C17orf114: variants seen among roughly 807,000 people sequenced by gnomAD.
The protein encoded by C17orf114 is uncharacterized protein C17orf114.
upstream of C17orf114, among the ~76,000 whole-genome samples, chr17:4,805,396 T>C (rs1905660071): frequency 6.7e-6 from 1 of 149,108 alleles, no homozygotes; most frequent in Admixed American, 6.8e-5. Flanking sequence ...CACTCCAGCC[T>C]GGGCAATAAC....
chr17:4,805,814 G>A (rs190925478), upstream of C17orf114, among the ~76,000 whole-genome samples: 9 of 151,990 alleles, frequency 5.9e-5, no homozygotes, highest in Admixed American at 4.6e-4. Context: ...TTAGCTGGGC[G>A]TGGTGGCGGA....
chr17:4,801,833 T>A (rs947107150), intron 1 of C17orf114, among the ~76,000 whole-genome samples: 18 of 151,600 alleles, frequency 1.2e-4, no homozygotes, highest in Non-Finnish European at 2.5e-4. Context: ...CGGGTTCAAG[T>A]GATTCTCCTG....
chr17:4,804,360 A>C (rs910093649), upstream of C17orf114, among the ~76,000 whole-genome samples: 1 of 151,778 alleles, frequency 6.6e-6, no homozygotes, highest in Non-Finnish European at 1.5e-5. Context: ...GCCCGCCACC[A>C]CGCCTGGCTA....
upstream of C17orf114, among the ~76,000 whole-genome samples, chr17:4,805,214 G>A (rs972516061): frequency 1.3e-5 from 2 of 150,878 alleles, no homozygotes; most frequent in Admixed American, 1.3e-4. Context: ...GATCATTTGA[G>A]GTCAGGAGTT....
upstream of C17orf114, among the ~76,000 whole-genome samples, chr17:4,805,881 A>G (rs907101643): frequency 1.3e-5 from 2 of 152,078 alleles, no homozygotes; most frequent in Admixed American, 6.6e-5. Flanking sequence ...TGAACCTGGG[A>G]GGCGGAGCTT....
chr17:4,806,429 AAAAT>A (rs1313821603), upstream of C17orf114, among the ~76,000 whole-genome samples: 3 of 152,224 alleles, frequency 2.0e-5, no homozygotes, highest in Non-Finnish European at 2.9e-5. Flanking sequence ...TCAAAAGAGA[AAAAT>A]AAATCTGCTT....
chr17:4,806,532 T>C (rs1008699922), upstream of C17orf114, among the ~76,000 whole-genome samples: 1 of 152,246 alleles, frequency 6.6e-6, no homozygotes, highest in Non-Finnish European at 1.5e-5. Context: ...GCAGGCTCTC[T>C]AACCATCTTA....
chr17:4,805,114 A>G (rs1905612916), upstream of C17orf114, among the ~76,000 whole-genome samples: 1 of 152,020 alleles, frequency 6.6e-6, no homozygotes, highest in Non-Finnish European at 1.5e-5. Context: ...GATTTCCATC[A>G]CTATAGGTTG....
At chr17:4,802,197 GTCTC>G (rs956328344) in intron 1 of C17orf114, 46 bp downstream of exon 1, 3 of 399,130 alleles carry the variant, frequency 7.5e-6, no homozygotes, top group East Asian at 3.6e-5. Flanking sequence ...CCATGCAGTT[GTCTC>G]TCTGTCTGCC....
upstream of C17orf114, among the ~76,000 whole-genome samples, chr17:4,804,607 T>C (rs1413154077): frequency 2.0e-5 from 3 of 150,550 alleles, no homozygotes; most frequent in Admixed American, 1.3e-4. Context: ...TTCTTTCTTT[T>C]TTTTTTTTTT....
upstream of C17orf114, among the ~76,000 whole-genome samples, chr17:4,805,660 G>A (rs963183560): frequency 7.7e-6 from 1 of 129,086 alleles, no homozygotes; most frequent in Non-Finnish European, 1.6e-5. Flanking sequence ...GGCAACAAGA[G>A]CGAGACTCTG....
At chr17:4,801,593 C>G in intron 1 of C17orf114, 138 bp from the exon 2 acceptor site, 1 of 397,616 alleles carries the variant, frequency 2.5e-6, no homozygotes, top group Non-Finnish European at 4.4e-6. Context: ...GTGGCAGCAG[C>G]AGGGGGAGGG....
chr17:4,805,410 G>A (rs545352286), upstream of C17orf114, among the ~76,000 whole-genome samples: 4 of 145,464 alleles, frequency 2.7e-5, no homozygotes, highest in East Asian at 2.1e-4. Flanking sequence ...CAATAACAGC[G>A]AAACTCTGTC....
At chr17:4,806,300 A>G (rs1278230090), upstream of C17orf114, among the ~76,000 whole-genome samples, 1 of 152,218 alleles carries the variant, frequency 6.6e-6, no homozygotes, top group African/African-American at 2.4e-5. Flanking sequence ...ACACACACTG[A>G]TATGATCGAA....
upstream of C17orf114, among the ~76,000 whole-genome samples, chr17:4,806,307 C>T (rs775935752): frequency 6.6e-6 from 1 of 152,162 alleles, no homozygotes; most frequent in Non-Finnish European, 1.5e-5. Context: ...CTGATATGAT[C>T]GAACAACTCC....
At chr17:4,803,884 G>C (rs2150663171), upstream of C17orf114, among the ~76,000 whole-genome samples, 1 of 151,872 alleles carries the variant, frequency 6.6e-6, no homozygotes, top group East Asian at 1.9e-4. Flanking sequence ...ACCATCCCCA[G>C]CCACATTTTG....
At chr17:4,805,444 G>T (rs1905669705), upstream of C17orf114, among the ~76,000 whole-genome samples, 1 of 145,586 alleles carries the variant, frequency 6.9e-6, no homozygotes, top group African/African-American at 2.6e-5. Flanking sequence ...TTAGCAAAAG[G>T]CCGGGAACGG....
chr17:4,802,184 C>T (rs987208171), intron 1 of C17orf114, 63 bp downstream of exon 1: 6 of 398,942 alleles, frequency 1.5e-5, no homozygotes, highest in Non-Finnish European at 2.2e-5. Context: ...ATTTCTCTCC[C>T]TGCCATGCAG....
chr17:4,806,798 C>T (rs1905861690), upstream of C17orf114: 1 of 150,848 alleles, frequency 6.6e-6, no homozygotes, highest in African/African-American at 2.4e-5. Context: ...AGGCAGCGCC[C>T]GCGGCTGGAG....
Sources: gnomAD v4.1 joint callset for allele counts (sites outside exome capture counted in the v4.1 genomes callset) on GRCh38, gnomAD v4.1.1 for gene constraint, MANE v1.5 for transcripts, NCBI Gene and HGNC (gene_info 2026-07-23, HGNC 2026-07-21) for gene names.